MALRD1: variants seen among roughly 807,000 people sequenced by gnomAD.
MALRD1 encodes the protein MAM and LDL receptor class A domain containing 1.
A neutral mutation model predicts 242.1 loss-of-function variants in MALRD1; 247 were observed. The ratio of observed to expected loss-of-function variants is 1.02; its 90% CI spans 0.92 to 1.13. The LOEUF is 1.13. Ranked by LOEUF, MALRD1 falls within the 50% of genes most tolerant of loss-of-function variation. MALRD1 has a pLI of 0.00. For missense variants in MALRD1, 2,989 were observed against 2,533.1 expected, an observed-to-expected ratio of 1.18 and a Z score of -3.86; for synonymous variants, 995 against 866.6, an observed-to-expected ratio of 1.15 and a Z score of -2.60.
intron 5 of MALRD1, among the ~76,000 whole-genome samples, chr10:19,110,691 C>A (rs772919760): frequency 6.6e-6 from 1 of 152,088 alleles, no homozygotes; most frequent in East Asian, 1.9e-4. Flanking sequence ...CATGGTATTC[C>A]TGGGTCCAGA....
chr10:19,176,366 C>CCTTTTTTTTTTTTTT (rs1484132630), intron 14 of MALRD1, among the ~76,000 whole-genome samples: 4 of 87,294 alleles, frequency 4.6e-5, no homozygotes, highest in African/African-American at 1.7e-4. Context: ...TTTCTGGGTG[C>CCTTTTTTTTTTTTTT]TTTTTTTTTT....
chr10:19,178,143 T>C (rs1835339545), intron 14 of MALRD1, among the ~76,000 whole-genome samples: 1 of 152,188 alleles, frequency 6.6e-6, no homozygotes, highest in African/African-American at 2.4e-5. Context: ...GGAGAATTCT[T>C]TTCTTAAATT....
intron 14 of MALRD1, among the ~76,000 whole-genome samples, chr10:19,183,364 T>C (rs575000580): frequency 1.3e-5 from 2 of 152,038 alleles, no homozygotes; most frequent in African/African-American, 4.8e-5. Context: ...GATTCTAATG[T>C]TGAACAAATG....
At chr10:19,135,914 C>T (rs924194549) in intron 9 of MALRD1, among the ~76,000 whole-genome samples, 7 of 152,142 alleles carry the variant, frequency 4.6e-5, no homozygotes, top group African/African-American at 1.7e-4. Context: ...GCTAATATTG[C>T]TTATCTCCAG....
intron 36 of MALRD1, among the ~76,000 whole-genome samples, chr10:19,679,167 C>T (rs946692835): frequency 2.0e-5 from 3 of 152,114 alleles, no homozygotes; most frequent in African/African-American, 7.2e-5. Flanking sequence ...ATGATGCTGG[C>T]CCCATTAAAT....
intron 18 of MALRD1, among the ~76,000 whole-genome samples, chr10:19,223,767 C>A (rs1837662637): frequency 6.6e-6 from 1 of 152,100 alleles, no homozygotes; most frequent in South Asian, 2.1e-4. Context: ...TCTCATTGTT[C>A]AACTCCCACT....
At chr10:19,233,598 A>G (rs770592956) in intron 18 of MALRD1, among the ~76,000 whole-genome samples, 19 of 152,198 alleles carry the variant, frequency 1.2e-4, no homozygotes, top group Non-Finnish European at 1.5e-4. Flanking sequence ...AAAGAAAAAA[A>G]AAAGTAGAAA....
chr10:19,603,342 C>T (rs912758255), intron 34 of MALRD1, among the ~76,000 whole-genome samples: 2 of 152,138 alleles, frequency 1.3e-5, no homozygotes, highest in African/African-American at 4.8e-5. Context: ...ACATTTACGT[C>T]TTTAGTCCAT....
intron 29 of MALRD1, among the ~76,000 whole-genome samples, chr10:19,485,165 G>T (rs1000353913): frequency 1.8e-4 from 27 of 152,100 alleles, no homozygotes; most frequent in African/African-American, 6.3e-4. Flanking sequence ...AAGAACATTG[G>T]AAACTCAGAA....
intron 32 of MALRD1, among the ~76,000 whole-genome samples, chr10:19,534,375 G>A (rs377119144): frequency 3.9e-5 from 6 of 152,270 alleles, no homozygotes; most frequent in African/African-American, 1.2e-4. Context: ...CCCATTCTCC[G>A]TGTTCTTCGG....
At chr10:19,626,273 G>A (rs1839646514) in intron 36 of MALRD1, among the ~76,000 whole-genome samples, 1 of 149,046 alleles carries the variant, frequency 6.7e-6, no homozygotes, top group South Asian at 2.1e-4. Flanking sequence ...AAAACTGAAG[G>A]CATTTTCCCT....
intron 21 of MALRD1, among the ~76,000 whole-genome samples, chr10:19,287,153 T>G (rs2131904118): frequency 6.6e-6 from 1 of 152,280 alleles, no homozygotes; most frequent in Admixed American, 6.5e-5. Context: ...TTGACAGTCA[T>G]AATGACAGCT....
intron 11 of MALRD1, among the ~76,000 whole-genome samples, chr10:19,146,776 A>G (rs533006775): frequency 1.3e-5 from 2 of 152,314 alleles, no homozygotes; most frequent in African/African-American, 4.8e-5. Context: ...ATGCAATTTA[A>G]TCAGTCTTCG....
At chr10:19,248,806 T>C (rs1179189330) in intron 18 of MALRD1, among the ~76,000 whole-genome samples, 2 of 151,166 alleles carry the variant, frequency 1.3e-5, no homozygotes, top group Non-Finnish European at 3.0e-5. Context: ...TATGGACCCA[T>C]TTAGTATTAA....
chr10:19,678,069 T>C (rs1466951405), intron 36 of MALRD1, among the ~76,000 whole-genome samples: 1 of 152,210 alleles, frequency 6.6e-6, no homozygotes, highest in Non-Finnish European at 1.5e-5. Context: ...TTGGTTACTG[T>C]AGCCTTGTAG....
chr10:19,289,180 A>G (rs370930124), intron 21 of MALRD1, among the ~76,000 whole-genome samples: 25 of 152,330 alleles, frequency 1.6e-4, no homozygotes, highest in African/African-American at 5.1e-4. Flanking sequence ...TGAATAATCT[A>G]TAAGTCCATT....
At chr10:19,080,834 C>A (rs888131064) in intron 2 of MALRD1, among the ~76,000 whole-genome samples, 2 of 151,868 alleles carry the variant, frequency 1.3e-5, no homozygotes, top group Admixed American at 6.6e-5. Flanking sequence ...AACAGAAAAC[C>A]TACAGAATGG....
intron 29 of MALRD1, among the ~76,000 whole-genome samples, chr10:19,476,058 G>A (rs965628495): frequency 7.9e-5 from 12 of 152,098 alleles, no homozygotes; most frequent in Admixed American, 1.3e-4. Context: ...ATTCTTTTTA[G>A]TGCACATACC....
chr10:19,476,870 C>G (rs1005489774), intron 29 of MALRD1, among the ~76,000 whole-genome samples: 27 of 152,226 alleles, frequency 1.8e-4, no homozygotes, highest in African/African-American at 6.5e-4. Flanking sequence ...AAATACATCT[C>G]TATATTTCAA....
Sources: allele counts gnomAD v4.1 joint callset (sites outside exome capture counted in the v4.1 genomes callset), GRCh38; gene constraint gnomAD v4.1.1; transcripts MANE v1.5; gene names NCBI Gene and HGNC (gene_info 2026-07-23, HGNC 2026-07-21).